Variants in CCSER1 observed in about 807,000 individuals in gnomAD.
CCSER1 encodes serine-rich coiled-coil domain-containing protein 1.
CCSER1 carries 41 observed loss-of-function variants against 82.0 expected under a neutral mutation model. The ratio of observed to expected loss-of-function variants is 0.50; its 90% CI spans 0.39 to 0.65. The LOEUF (loss-of-function observed/expected upper bound fraction) is 0.65. CCSER1 is among the 30% of genes least tolerant of loss of function. The pLI, the probability that CCSER1 is intolerant of heterozygous loss-of-function variation, is 0.00. For missense variants in CCSER1, 1,119 were observed against 1,064.2 expected, an observed-to-expected ratio of 1.05 and a Z score of -0.72; for synonymous variants, 414 against 383.9, an observed-to-expected ratio of 1.08 and a Z score of -0.92.
At chr4:90,474,425 T>A (rs1764795733) in intron 5 of CCSER1, among the ~76,000 whole-genome samples, 1 of 152,216 alleles carries the variant, frequency 6.6e-6, no homozygotes, top group Non-Finnish European at 1.5e-5. Context: ...GTGACATGGT[T>A]AGATTTGCCT....
At chr4:91,338,633 G>T (rs1286264968) in intron 10 of CCSER1, among the ~76,000 whole-genome samples, 1 of 152,054 alleles carries the variant, frequency 6.6e-6, no homozygotes, top group Non-Finnish European at 1.5e-5. Flanking sequence ...ATACTAAAGT[G>T]CACTTAAAAT....
intron 1 of CCSER1, chr4:90,235,409 T>C (rs1745596047): frequency 6.6e-6 from 1 of 152,242 alleles, no homozygotes; most frequent in Non-Finnish European, 1.5e-5. Context: ...ACCTCGTTTT[T>C]CTTTTCCCTT....
Position 91,431,317 on chromosome 4 carries a change from A to T in CCSER1, c.2218-167255A>T, listed in dbSNP as rs192831342. 3.6e-3 allele frequency among the ~76,000 whole-genome samples: 554 copies of T among 152,316 alleles called. 2 individuals are homozygous for T. Among genetic ancestry groups the T allele is most frequent in the African/African-American group, 0.012 (508 of 41,570 alleles). On this transcript the variant is annotated intron_variant, in intron 10 of 10. Transcript: ENST00000509176. ...CATTCACAGAGCTCAAATTTGGAAA[A>T]ATAAAACTATAAACTGTGAAATGCT... is the stretch of plus-strand genomic sequence containing the variant.
Position 90,484,312 on chromosome 4 carries a change from T to C in CCSER1, c.1724+15958T>C, listed in dbSNP as rs1578726659. On this transcript the variant is annotated intron_variant, in intron 5 of 10. Coordinates refer to ENST00000509176, the MANE Select transcript of CCSER1 (RefSeq NM_001145065.2). ...AAGTTTTTAACTTATTTGCCATTGG[T>C]TCGAACTTCCTCCTTTAGCTCGGAG... Among the ~76,000 whole-genome samples the C allele has an allele frequency of 2.0e-5, 3 of 152,186 alleles. No individual in the cohort carries two copies. The East Asian group carries it at 5.8e-4, about 29-fold the overall frequency.
chr4:91,108,888 A>T (rs1488037305), intron 10 of CCSER1, among the ~76,000 whole-genome samples: 1 of 152,196 alleles, frequency 6.6e-6, no homozygotes, highest in African/African-American at 2.4e-5. Context: ...GAAGATTGGC[A>T]TTTGAATCAG....
intron 1 of CCSER1, among the ~76,000 whole-genome samples, chr4:90,180,623 C>A (rs1364211174): frequency 6.6e-6 from 1 of 151,976 alleles, no homozygotes; most frequent in African/African-American, 2.4e-5. Flanking sequence ...CTGTCTAAAA[C>A]TCTTCCCTCT....
In CCSER1 at chr4:90,923,446, A is replaced by C; in HGVS notation, c.2171A>C (p.Asp724Ala). 1 of 1,548,478 alleles carries C rather than the reference A, an allele frequency of 6.5e-7. No individual in the cohort carries two copies. Among genetic ancestry groups the C allele is most frequent in the Non-Finnish European group, 8.7e-7 (1 of 1,144,184 alleles). ...ACACAGACTGAACTACTATGCTATG[A>C]TGTAAGTAGCTCTGTAAAACCATTT... ...KSTQTELLCY[D>A]GLNLKRLETV... Residue 724 changes from aspartate (D) to alanine (A), a missense_variant and splice_region_variant, in exon 9 of 11, where the codon GAT becomes GCT. Transcript: ENST00000509176.
chr4:90,783,139 A>C (rs1754038344), intron 7 of CCSER1, among the ~76,000 whole-genome samples: 1 of 152,132 alleles, frequency 6.6e-6, no homozygotes, highest in African/African-American at 2.4e-5. Flanking sequence ...ATGGGGTTTC[A>C]CCATATTGGC....
At chr4:90,953,836 CA>C (rs1262165771) in intron 9 of CCSER1, among the ~76,000 whole-genome samples, 1 of 151,856 alleles carries the variant, frequency 6.6e-6, no homozygotes, top group African/African-American at 2.4e-5. Flanking sequence ...TAACAAGCAA[CA>C]AACTATTTTT....
intron 10 of CCSER1, among the ~76,000 whole-genome samples, chr4:91,190,176 T>C (rs551377733): frequency 7.3e-4 from 111 of 152,352 alleles, no homozygotes; most frequent in Non-Finnish European, 1.4e-3. Context: ...CCAGGATCTC[T>C]TAGATGACTA....
At chr4:90,432,265 T>A (rs1036610118) in intron 4 of CCSER1, among the ~76,000 whole-genome samples, 1 of 152,082 alleles carries the variant, frequency 6.6e-6, no homozygotes, top group African/African-American at 2.4e-5. Context: ...GTCAAAAAAA[T>A]TTGCTATTTG....
chr4:90,635,451 T>C (rs1725256415), intron 6 of CCSER1, among the ~76,000 whole-genome samples: 1 of 151,620 alleles, frequency 6.6e-6, no homozygotes, highest in Non-Finnish European at 1.5e-5. Flanking sequence ...AATTACAAAC[T>C]TCTATATAAC....
intron 5 of CCSER1, among the ~76,000 whole-genome samples, chr4:90,478,015 G>T (rs1203379633): frequency 2.0e-5 from 3 of 152,076 alleles, no homozygotes; most frequent in African/African-American, 7.2e-5. Context: ...AAACCTGATT[G>T]CCAGCCCTGG....
chr4:90,204,678 T>C (rs916268317), intron 1 of CCSER1, among the ~76,000 whole-genome samples: 9 of 152,224 alleles, frequency 5.9e-5, no homozygotes, highest in African/African-American at 2.2e-4. Flanking sequence ...CTATGTGGGC[T>C]CTTTTTTGGT....
intron 1 of CCSER1, among the ~76,000 whole-genome samples, chr4:90,214,151 G>A (rs1394905679): frequency 6.6e-6 from 1 of 152,184 alleles, no homozygotes; most frequent in East Asian, 1.9e-4. Context: ...ATGGAACGCA[G>A]TGCAAATATG....
chr4:90,495,955 T>C (rs1411054729), intron 5 of CCSER1, among the ~76,000 whole-genome samples: 2 of 152,222 alleles, frequency 1.3e-5, no homozygotes, highest in Non-Finnish European at 2.9e-5. Context: ...TGTTTTTATT[T>C]AGCTCAGGAA....
intron 8 of CCSER1, among the ~76,000 whole-genome samples, chr4:90,911,596 C>T (rs181896974): frequency 5.3e-5 from 8 of 152,210 alleles, no homozygotes; most frequent in East Asian, 1.9e-4. Flanking sequence ...ACTGAGGTAC[C>T]GGGTTCATCT....
chr4:90,462,829 C>T lies in CCSER1; in HGVS notation c.1604-5405C>T, dbSNP rs537980665. 1.9e-3 allele frequency among the ~76,000 whole-genome samples: 289 copies of T among 152,242 alleles called. 1 individual carries two copies. Among genetic ancestry groups the T allele is most frequent in the Middle Eastern group, 3.4e-3 (1 of 294 alleles). ...GATATTATACTAAGCACTTTACATG[C>T]ATTAATTCATTTAATCATCACCACA... On this transcript the variant is annotated intron_variant, in intron 4 of 10. Coordinates refer to ENST00000509176, the MANE Select transcript of CCSER1 (RefSeq NM_001145065.2).
intron 5 of CCSER1, among the ~76,000 whole-genome samples, chr4:90,589,870 T>A (rs1782484860): frequency 6.6e-6 from 1 of 152,242 alleles, no homozygotes; most frequent in Non-Finnish European, 1.5e-5. Flanking sequence ...TTATGTATTT[T>A]GTTAGTTACT....
Sources: gnomAD v4.1 joint callset for allele counts (sites outside exome capture counted in the v4.1 genomes callset) on GRCh38, gnomAD v4.1.1 for gene constraint, MANE v1.5 for transcripts, NCBI Gene and HGNC (gene_info 2026-07-23, HGNC 2026-07-21) for gene names.